The following GALNT14 variants were observed in gnomAD, a reference collection of about 807,000 sequenced individuals.
GALNT14 encodes the protein polypeptide N-acetylgalactosaminyltransferase 14.
GALNT14 carries 60 observed loss-of-function variants against 77.5 expected under a neutral mutation model. That is an observed-to-expected ratio of 0.77 (90% confidence interval 0.63 to 0.96). The LOEUF (loss-of-function observed/expected upper bound fraction) is 0.96. Ranked by LOEUF, GALNT14 falls within the 40% of genes least tolerant of loss-of-function variation. The pLI is 0.00. For synonymous variants in GALNT14, 280 were observed against 281.7 expected (o/e 0.99, Z 0.06); for missense variants, 710 against 731.0 (o/e 0.97, Z 0.33).
intron 1 of GALNT14, among the ~76,000 whole-genome samples, chr2:31,125,628 G>A (rs779433895): frequency 5.9e-5 from 9 of 152,198 alleles, no homozygotes; most frequent in Non-Finnish European, 1.2e-4. Context: ...AGTGTAAAAC[G>A]TAGAAAATAT....
chr2:31,125,058 A>G, intron 1 of GALNT14: 1 of 833,418 alleles, frequency 1.2e-6, no homozygotes, highest in Non-Finnish European at 2.0e-6. Context: ...TGCGCCCAGG[A>G]GCTCTGGCAG....
chr2:30,904,134 G>A, the GALNT14 span, among the ~76,000 whole-genome samples: 1 of 152,200 alleles, frequency 6.6e-6, no homozygotes, highest in Admixed American at 6.5e-5. Flanking sequence ...GGAGCCTACA[G>A]CCTCCAAGTT....
intron 3 of GALNT14, 69 bp downstream of exon 3, chr2:30,966,135 T>G (rs1409128495): frequency 4.1e-6 from 5 of 1,227,132 alleles, no homozygotes; most frequent in Non-Finnish European, 6.0e-6. Context: ...GCTGGGCACC[T>G]GGGGAGCAGA....
Position 31,035,790 on chromosome 2 carries a change from T to G in GALNT14, c.130-42783A>C, listed in dbSNP as rs191396438. On this transcript the variant is annotated intron_variant, in intron 1 of 14. Coordinates refer to ENST00000349752, the MANE Select transcript of GALNT14 (RefSeq NM_024572.4). ...ACCAAATACTTTATGTTCTCTCTTATAAGCGGGAGCTAAATGATGAGAACA... is the reference window on the plus strand; with the variant it reads ...ACCAAATACTTTATGTTCTCTCTTAGAAGCGGGAGCTAAATGATGAGAACA... Among the ~76,000 whole-genome samples, 370 of 152,108 alleles carry G rather than the reference T, an allele frequency of 2.4e-3. 3 individuals carry two copies. The highest frequency in any genetic ancestry group is 8.6e-3 in the African/African-American group (356 of 41,520).
intron 2 of GALNT14, among the ~76,000 whole-genome samples, chr2:30,970,560 G>T (rs185328739): frequency 2.0e-5 from 3 of 152,222 alleles, no homozygotes; most frequent in Non-Finnish European, 2.9e-5. Flanking sequence ...CAAGCTCATG[G>T]TTTAGAAAAG....
intron 1 of GALNT14, among the ~76,000 whole-genome samples, chr2:31,060,478 C>T (rs1674521852): frequency 1.3e-5 from 2 of 152,186 alleles, no homozygotes; most frequent in South Asian, 2.1e-4. Context: ...TAGGGGAAGG[C>T]AATTCCATTC....
chr2:30,985,902 T>C (rs1378027360), intron 2 of GALNT14, among the ~76,000 whole-genome samples: 1 of 152,182 alleles, frequency 6.6e-6, no homozygotes, highest in Non-Finnish European at 1.5e-5. Flanking sequence ...AATATGAACA[T>C]TTTTTATGCT....
chr2:31,096,494 TA>T (rs1409063937), intron 1 of GALNT14, among the ~76,000 whole-genome samples: 1 of 152,208 alleles, frequency 6.6e-6, no homozygotes, highest in Non-Finnish European at 1.5e-5. Flanking sequence ...TTTATGAGGA[TA>T]AAACAGAGTC....
intron 13 of GALNT14, among the ~76,000 whole-genome samples, chr2:30,923,725 G>A (rs1388525121): frequency 1.3e-5 from 2 of 152,172 alleles, no homozygotes; most frequent in Non-Finnish European, 2.9e-5. Flanking sequence ...CCAGAAGGCA[G>A]TGTCACCCAG....
chr2:30,920,250 T>G (rs1299671638), intron 13 of GALNT14, among the ~76,000 whole-genome samples: 1 of 152,200 alleles, frequency 6.6e-6, no homozygotes, highest in Non-Finnish European at 1.5e-5. Context: ...CAAGACTTGG[T>G]TTCATTGTTT....
chr2:30,912,011 T>C (rs930451037), intron 14 of GALNT14, among the ~76,000 whole-genome samples: 16 of 152,150 alleles, frequency 1.1e-4, no homozygotes, highest in African/African-American at 3.4e-4. Context: ...TAGGCTTTCA[T>C]GGGGCAGGCT....
At chr2:31,119,894 C>T (rs987452415) in intron 1 of GALNT14, among the ~76,000 whole-genome samples, 2 of 74,950 alleles carry the variant, frequency 2.7e-5, no homozygotes, top group Non-Finnish European at 7.8e-5. Context: ...CGGTGGCTCA[C>T]GCCTGTAATC....
intron 9 of GALNT14, among the ~76,000 whole-genome samples, chr2:30,938,418 CT>C (rs1206040756): frequency 6.7e-6 from 1 of 149,198 alleles, no homozygotes; most frequent in Non-Finnish European, 1.5e-5. Flanking sequence ...TAACAGACTC[CT>C]TTTATCTCTA....
At chr2:30,927,238 G>C (rs1211548795) in intron 11 of GALNT14, among the ~76,000 whole-genome samples, 2 of 152,132 alleles carry the variant, frequency 1.3e-5, no homozygotes, top group Non-Finnish European at 2.9e-5. Context: ...CTCTAGAGGA[G>C]GGGCACAGAC....
chr2:31,085,905 A>G (rs1378599725), intron 1 of GALNT14, among the ~76,000 whole-genome samples: 2 of 152,226 alleles, frequency 1.3e-5, no homozygotes, highest in East Asian at 1.9e-4. Flanking sequence ...GCAAAGGAGG[A>G]GCAAGGACAG....
chr2:31,044,206 C>T (rs1482347144), intron 1 of GALNT14, among the ~76,000 whole-genome samples: 1 of 152,100 alleles, frequency 6.6e-6, no homozygotes, highest in Non-Finnish European at 1.5e-5. Context: ...TCAGAGTTCC[C>T]AGAAATATTT....
chr2:31,129,371 T>C (rs887761774), intron 1 of GALNT14: 2 of 985,302 alleles, frequency 2.0e-6, no homozygotes, highest in African/African-American at 3.5e-5. Context: ...GGAAAAAAGC[T>C]ACCTCTTATC....
chr2:31,099,490 G>A (rs564126179), intron 1 of GALNT14, among the ~76,000 whole-genome samples: 1 of 152,012 alleles, frequency 6.6e-6, no homozygotes, highest in Non-Finnish European at 1.5e-5. Context: ...GGTTAGAAAG[G>A]CACCCTGTGT....
At chr2:30,970,840 A>G (rs1242272981) in intron 2 of GALNT14, among the ~76,000 whole-genome samples, 1 of 152,138 alleles carries the variant, frequency 6.6e-6, no homozygotes, top group African/African-American at 2.4e-5. Context: ...CTCACAGCTC[A>G]GGAGCCTGGA....
Sources: gnomAD v4.1 joint callset for allele counts (sites outside exome capture counted in the v4.1 genomes callset) on GRCh38, gnomAD v4.1.1 for gene constraint, MANE v1.5 for transcripts, NCBI Gene and HGNC (gene_info 2026-07-23, HGNC 2026-07-21) for gene names.